Variants in PLS1 observed in about 807,000 individuals in gnomAD.
PLS1 encodes the protein plastin 1, also known as plastin-1.
PLS1 carries 32 observed loss-of-function variants against 73.7 expected under a neutral mutation model. That is an observed-to-expected ratio of 0.43 (90% confidence interval 0.33 to 0.58). The LOEUF (loss-of-function observed/expected upper bound fraction) is 0.58. Among genes scored for constraint, PLS1 ranks in the 20% least tolerant of loss-of-function variants. The pLI is 0.04. For synonymous variants in PLS1, 217 were observed against 261.3 expected, an observed-to-expected ratio of 0.83 and a Z score of 1.63; for missense variants, 633 against 740.5, an observed-to-expected ratio of 0.85 and a Z score of 1.68.
rs904404494 is a variant in PLS1, at chr3:142,684,041, C to T, written c.615C>T (p.Ala205=). The T allele has an allele frequency of 3.7e-6, 6 of 1,613,104 alleles. No individual in the cohort carries two copies. ...ACCTAGCTCTGAATTCTGCCTCAGC[C>T]ATTGGTTGTACAGTGGTCAACATTG... ...NLNLALNSAS[A]IGCTVVNIGA... The change falls in exon 7 of 16, where the codon GCC becomes GCT. Residue 205 remains alanine (A), a synonymous_variant. Transcript: ENST00000457734.
chr3:142,646,257 C>A (rs1469063336), intron 1 of PLS1, among the ~76,000 whole-genome samples: 1 of 152,128 alleles, frequency 6.6e-6, no homozygotes, highest in African/African-American at 2.4e-5. Context: ...GTCTCACTTG[C>A]TGTGTGTGGA....
chr3:142,709,398 C>T (rs1933006023), intron 14 of PLS1, among the ~76,000 whole-genome samples: 1 of 152,154 alleles, frequency 6.6e-6, no homozygotes, highest in Non-Finnish European at 1.5e-5. Flanking sequence ...CTCTCTTACC[C>T]CTGCCCAGAG....
intron 1 of PLS1, among the ~76,000 whole-genome samples, chr3:142,646,511 T>C (rs2036956098): frequency 6.6e-6 from 1 of 152,250 alleles, no homozygotes; most frequent in Non-Finnish European, 1.5e-5. Context: ...AGGAAAAAGT[T>C]TCTCCATAGC....
intron 1 of PLS1, among the ~76,000 whole-genome samples, chr3:142,615,334 T>C (rs1361177869): frequency 6.6e-6 from 1 of 152,104 alleles, no homozygotes; most frequent in Admixed American, 6.6e-5. Flanking sequence ...ACAGATGATA[T>C]CATCTGGCTT....
At chr3:142,705,399 C>T (rs906228171) in intron 14 of PLS1, among the ~76,000 whole-genome samples, 4 of 152,160 alleles carry the variant, frequency 2.6e-5, no homozygotes, top group African/African-American at 9.6e-5. Context: ...GCACTTAACA[C>T]TCACTTCCAA....
chr3:142,635,176 A>T (rs1560041163), intron 1 of PLS1, among the ~76,000 whole-genome samples: 1 of 152,126 alleles, frequency 6.6e-6, no homozygotes, highest in Non-Finnish European at 1.5e-5. Flanking sequence ...TCCTAAAGCA[A>T]TCGCTAAAAA....
At chr3:142,658,654 A>T (rs2037296041) in intron 1 of PLS1, among the ~76,000 whole-genome samples, 1 of 152,146 alleles carries the variant, frequency 6.6e-6, no homozygotes, top group South Asian at 2.1e-4. Flanking sequence ...TGTTTTTATA[A>T]TTTATAATAA....
intron 1 of PLS1, among the ~76,000 whole-genome samples, chr3:142,608,397 A>T (rs1206324695): frequency 1.3e-5 from 2 of 152,220 alleles, no homozygotes; most frequent in African/African-American, 4.8e-5. Context: ...ATAGAAATTC[A>T]CATTAACTTT....
At chr3:142,677,852 T>A (rs543735967) in intron 5 of PLS1, among the ~76,000 whole-genome samples, 180 bp from the exon 6 acceptor site, 1 of 152,158 alleles carries the variant, frequency 6.6e-6, no homozygotes, top group African/African-American at 2.4e-5. Context: ...CTCAAACTCT[T>A]GGGCTCAGCC....
intron 1 of PLS1, among the ~76,000 whole-genome samples, chr3:142,607,381 G>A (rs1452688287): frequency 6.6e-6 from 1 of 152,170 alleles, no homozygotes; most frequent in Non-Finnish European, 1.5e-5. Context: ...CTGGGTTCAA[G>A]CGATTCTCCT....
At chr3:142,639,792 A>G (rs1251300531) in intron 1 of PLS1, among the ~76,000 whole-genome samples, 1 of 152,218 alleles carries the variant, frequency 6.6e-6, no homozygotes, top group Non-Finnish European at 1.5e-5. Context: ...TGTTGGCTGG[A>G]TGAATAAATG....
Position 142,704,601 on chromosome 3 carries a change from T to TA in PLS1, c.1629+23dup, listed in dbSNP as rs761490718. 46 of 1,052,272 alleles carry TA rather than the reference T, an allele frequency of 4.4e-5. No homozygotes were observed. The highest frequency in any genetic ancestry group is 7.9e-5 in the Admixed American group (3 of 38,126). The allele number at this position is 1,052,272 out of a possible 1,614,324, so 65.2% of individuals were successfully genotyped here. Reference sequence around the variant, plus strand: ...CCAGCTTCAAGGTAATCAAGAGTCCTAAAAAAAATTTTTTTTTGTAGGTAT... The same window carrying TA: ...CCAGCTTCAAGGTAATCAAGAGTCCTAAAAAAAAATTTTTTTTTGTAGGTAT... On this transcript the variant is annotated intron_variant, in intron 14 of 15. Coordinates refer to ENST00000457734, the MANE Select transcript of PLS1 (RefSeq NM_001145319.2).
intron 2 of PLS1, among the ~76,000 whole-genome samples, chr3:142,667,795 ATG>A (rs1342580265): frequency 3.9e-5 from 6 of 152,214 alleles, no homozygotes; most frequent in Admixed American, 1.3e-4. Context: ...AGCCTAATCT[ATG>A]TGTGTATTTC....
At chr3:142,634,286 T>A (rs2036629444) in intron 1 of PLS1, among the ~76,000 whole-genome samples, 1 of 152,152 alleles carries the variant, frequency 6.6e-6, no homozygotes, top group African/African-American at 2.4e-5. Context: ...ATTTTCCAAA[T>A]TTGATGAAAC....
chr3:142,630,008 A>T (rs1314282369), intron 1 of PLS1, among the ~76,000 whole-genome samples: 1 of 152,186 alleles, frequency 6.6e-6, no homozygotes, highest in Non-Finnish European at 1.5e-5. Flanking sequence ...GGTCCTGCCT[A>T]ATGAAGCTTA....
Position 142,703,789 on chromosome 3 carries a change from G to T in PLS1, c.1372-79G>T, listed in dbSNP as rs549513771. On this transcript the variant is annotated intron_variant, in intron 12 of 15. Coordinates refer to ENST00000457734, the MANE Select transcript of PLS1 (RefSeq NM_001145319.2). ...AAGGTGTCATCATAATTGTTTTTCAGATGGCTGAACTAGGCTGGCCTATTC... is the reference window on the plus strand; with the variant it reads ...AAGGTGTCATCATAATTGTTTTTCATATGGCTGAACTAGGCTGGCCTATTC... 16 of 856,106 alleles carry T rather than the reference G, an allele frequency of 1.9e-5. No individual in the cohort carries two copies. The South Asian group carries it at 2.1e-4, about 11-fold the overall frequency. The allele number at this position is 856,106 out of a possible 1,614,324, so 53.0% of individuals were successfully genotyped here.
intron 1 of PLS1, among the ~76,000 whole-genome samples, chr3:142,661,971 G>A (rs2037382049): frequency 1.3e-5 from 2 of 152,162 alleles, no homozygotes; most frequent in African/African-American, 4.8e-5. Flanking sequence ...TGGTGGGAGT[G>A]TAAATTAGTT....
chr3:142,671,824 C>A (rs1231092394), intron 4 of PLS1, among the ~76,000 whole-genome samples: 1 of 152,170 alleles, frequency 6.6e-6, no homozygotes, highest in Non-Finnish European at 1.5e-5. Flanking sequence ...TCCCCTCTTT[C>A]TTCATTTCAG....
chr3:142,652,246 G>A (rs1171943263), intron 1 of PLS1, among the ~76,000 whole-genome samples: 1 of 152,202 alleles, frequency 6.6e-6, no homozygotes, highest in Admixed American at 6.5e-5. Context: ...TTCACCCAAT[G>A]TTGGATTTAG....
Sources: allele counts gnomAD v4.1 joint callset (sites outside exome capture counted in the v4.1 genomes callset), GRCh38; gene constraint gnomAD v4.1.1; transcripts MANE v1.5; gene names NCBI Gene and HGNC (gene_info 2026-07-23, HGNC 2026-07-21).